Variants in ANO2 observed in about 807,000 individuals in gnomAD.
ANO2 encodes anoctamin 2.
ANO2 carries 101 observed loss-of-function variants against 124.2 expected under a neutral mutation model. The observed-to-expected ratio is 0.81, with a 90% CI of 0.69 to 0.96. ANO2 has a LOEUF of 0.96. ANO2 is among the 40% of genes least tolerant of loss of function. ANO2 has a pLI of 0.00. For synonymous variants in ANO2, 486 were observed against 482.5 expected, an observed-to-expected ratio of 1.01 and a Z score of -0.09; for missense variants, 1,293 against 1,274.5, an observed-to-expected ratio of 1.01 and a Z score of -0.22.
At chr12:5,678,151 G>A (rs918133689) in intron 14 of ANO2, among the ~76,000 whole-genome samples, 9 of 152,152 alleles carry the variant, frequency 5.9e-5, no homozygotes, top group Middle Eastern at 3.2e-3. Context: ...GGTAGTGGTC[G>A]CTAGATAATT....
chr12:5,843,335 C>G (rs568640829), intron 4 of ANO2, among the ~76,000 whole-genome samples: 2 of 152,034 alleles, frequency 1.3e-5, no homozygotes, highest in African/African-American at 4.8e-5. Flanking sequence ...GGATCACTTG[C>G]GGTCAGGAGT....
At chr12:5,909,168 C>T (rs138250640) in intron 3 of ANO2, among the ~76,000 whole-genome samples, 26 of 152,270 alleles carry the variant, frequency 1.7e-4, no homozygotes, top group South Asian at 1.7e-3. Context: ...AAACCCACAA[C>T]CCAAACTAAG....
intron 20 of ANO2, among the ~76,000 whole-genome samples, chr12:5,594,739 G>A (rs1445994961): frequency 6.6e-6 from 1 of 152,206 alleles, no homozygotes; most frequent in Non-Finnish European, 1.5e-5. Context: ...TAGGGAGGCT[G>A]AGGTGAGAGG....
At chr12:5,832,674 A>C (rs997450307) in intron 4 of ANO2, 71 bp from the exon 5 acceptor site, 2 of 1,483,840 alleles carry the variant, frequency 1.3e-6, no homozygotes, top group Middle Eastern at 2.3e-4. Context: ...TCACAAAAAA[A>C]AGCTGCATGG....
rs1225992047 is a variant in ANO2 at position 5,636,616 on chromosome 12, A to ACC, written c.1621-1270_1621-1269insGG. On this transcript the variant is annotated intron_variant, in intron 15 of 24. Coordinates refer to ENST00000682330, the MANE Select transcript of ANO2 (RefSeq NM_001364791.2). This position sits in a 1 kb window ranked among gnomAD's most constrained non-coding sequence, Gnocchi z 4.6. ...AAGCTGTGCTGGACTACACACACAC[A>ACC]CACACACACACACACACACACACAC... Among the ~76,000 whole-genome samples, 37 of 148,104 alleles carry ACC rather than the reference A, an allele frequency of 2.5e-4. No homozygotes were observed. The highest frequency in any genetic ancestry group is 6.0e-4 in the Admixed American group (9 of 14,890).
intron 10 of ANO2, among the ~76,000 whole-genome samples, chr12:5,756,609 G>A (rs1189292506): frequency 1.3e-5 from 2 of 152,352 alleles, no homozygotes; most frequent in East Asian, 3.9e-4. Context: ...GGGTCCAAGG[G>A]TGGATCTGCT....
Position 5,925,156 on chromosome 12 carries a change from T to C in ANO2, c.23-2352A>G, listed in dbSNP as rs957386718. Among the ~76,000 whole-genome samples the C allele has an allele frequency of 2.0e-5, 3 of 152,072 alleles. No homozygotes were observed. The highest frequency in any genetic ancestry group is 7.2e-5 in the African/African-American group (3 of 41,396). Reference sequence around the variant, plus strand: ...CCACTGGATACATCACTGGGGAACATGATAAAGATGATGTTCACTCAAGGG... The same window carrying C: ...CCACTGGATACATCACTGGGGAACACGATAAAGATGATGTTCACTCAAGGG... On this transcript the variant is annotated intron_variant, in intron 1 of 24. Coordinates refer to ENST00000682330, the MANE Select transcript of ANO2 (RefSeq NM_001364791.2). This position sits in a 1 kb window ranked among gnomAD's most constrained non-coding sequence, Gnocchi z 4.6.
At chr12:5,724,128 A>G (rs1950342085) in intron 14 of ANO2, among the ~76,000 whole-genome samples, 1 of 152,118 alleles carries the variant, frequency 6.6e-6, no homozygotes, top group South Asian at 2.1e-4. Context: ...AGGGCCCTTA[A>G]CCACCAGGCC....
rs189193964 is a variant in ANO2 at position 5,655,350 on chromosome 12, C to T, written c.1546-7549G>A. Reference sequence around the variant, plus strand: ...CCTTTATCTTAAAACTGTTTTCAGACTTTTGCAGGTACCTTAAAAATCACC... The same window carrying T: ...CCTTTATCTTAAAACTGTTTTCAGATTTTTGCAGGTACCTTAAAAATCACC... On this transcript the variant is annotated intron_variant, in intron 14 of 24. Transcript: ENST00000682330. Among the ~76,000 whole-genome samples, 3 of 152,292 alleles carry T rather than the reference C, an allele frequency of 2.0e-5. No individual in the cohort carries two copies. In the East Asian group the frequency reaches 5.8e-4, roughly 29 times the overall value.
intron 14 of ANO2, among the ~76,000 whole-genome samples, chr12:5,670,932 C>A (rs1276994373): frequency 6.6e-6 from 1 of 152,162 alleles, no homozygotes; most frequent in Non-Finnish European, 1.5e-5. Flanking sequence ...CTCAAAGCGA[C>A]AGAAGCCTGA....
chr12:5,687,882 C>CAA (rs1948771006), intron 14 of ANO2, among the ~76,000 whole-genome samples: 1 of 118,382 alleles, frequency 8.4e-6, no homozygotes, highest in Admixed American at 8.5e-5. Flanking sequence ...AACAACAACA[C>CAA]CAGGAGGTCA....
At chr12:5,758,079 C>A (rs115899049) in intron 10 of ANO2, among the ~76,000 whole-genome samples, 8 of 152,114 alleles carry the variant, frequency 5.3e-5, no homozygotes, top group African/African-American at 1.9e-4. Context: ...TTATTCAAAT[C>A]GAAAGCCTTA....
At chr12:5,914,421 G>A (rs1386134337) in intron 3 of ANO2, among the ~76,000 whole-genome samples, 2 of 152,140 alleles carry the variant, frequency 1.3e-5, no homozygotes, top group Non-Finnish European at 2.9e-5. Context: ...GGAGGAGGGA[G>A]TCTCCTCTCT....
intron 11 of ANO2, among the ~76,000 whole-genome samples, chr12:5,746,975 ATTAC>A (rs1951283888): frequency 6.6e-6 from 1 of 152,246 alleles, no homozygotes; most frequent in Non-Finnish European, 1.5e-5. Context: ...GCATGGAAGT[ATTAC>A]TTACAGGCTT....
At chr12:5,639,533 A>G (rs1946223714) in intron 15 of ANO2, among the ~76,000 whole-genome samples, 1 of 152,186 alleles carries the variant, frequency 6.6e-6, no homozygotes, top group East Asian at 1.9e-4. Flanking sequence ...CAAACAGGGT[A>G]TAGGGATCGG....
intron 20 of ANO2, among the ~76,000 whole-genome samples, chr12:5,593,523 T>C (rs1219997547): frequency 1.3e-5 from 2 of 152,160 alleles, no homozygotes; most frequent in Non-Finnish European, 2.9e-5. Context: ...CCTCATTCTT[T>C]AATAATTAGG....
chr12:5,741,622 T>G (rs1021532676), intron 12 of ANO2, among the ~76,000 whole-genome samples: 5 of 152,252 alleles, frequency 3.3e-5, no homozygotes, highest in Middle Eastern at 3.4e-3. Context: ...GAGTCATGGA[T>G]AGATGAGTCG....
chr12:5,763,855 G>GA (rs1951805493), intron 10 of ANO2, among the ~76,000 whole-genome samples: 2 of 151,938 alleles, frequency 1.3e-5, no homozygotes, highest in African/African-American at 2.4e-5. Flanking sequence ...GAAATTAATA[G>GA]AAAAAAGTCA....
At chr12:5,884,874 A>T (rs1938774244) in intron 3 of ANO2, among the ~76,000 whole-genome samples, 1 of 152,040 alleles carries the variant, frequency 6.6e-6, no homozygotes, top group African/African-American at 2.4e-5. Context: ...AATGGAGAGC[A>T]GAGGGGACCC....
Sources: allele counts gnomAD v4.1 joint callset (sites outside exome capture counted in the v4.1 genomes callset), GRCh38; gene constraint gnomAD v4.1.1; non-coding constraint Gnocchi (gnomAD v3.1); transcripts MANE v1.5; gene names NCBI Gene and HGNC (gene_info 2026-07-23, HGNC 2026-07-21).